The following LAMB4 variants were observed in gnomAD, a reference collection of about 807,000 sequenced individuals.
The protein encoded by LAMB4 is laminin subunit beta 4.
Under a neutral mutation model 199.2 loss-of-function variants are expected in LAMB4, and 196 were observed. The observed-to-expected ratio is 0.98, with a 90% CI of 0.88 to 1.11. The LOEUF (loss-of-function observed/expected upper bound fraction) is 1.11, where lower values mean the gene tolerates loss of function less well. Ranked by LOEUF, LAMB4 falls within the 50% of genes least tolerant of loss-of-function variation. The pLI is 0.00. For missense variants in LAMB4, 2,080 were observed against 2,171.2 expected (o/e 0.96, Z 0.83); for synonymous variants, 744 against 770.6 (o/e 0.97, Z 0.57).
chr7:108,106,455 G>T, intron 7 of LAMB4, 54 bp downstream of exon 7: 2 of 1,056,302 alleles, frequency 1.9e-6, no homozygotes, highest in Non-Finnish European at 2.9e-6. Flanking sequence ...CAAGGAATAT[G>T]CCAAACATGA....
At chr7:108,033,129 A>C (rs2035099381) in intron 31 of LAMB4, among the ~76,000 whole-genome samples, 1 of 152,222 alleles carries the variant, frequency 6.6e-6, no homozygotes. Flanking sequence ...GAGTTTGCCT[A>C]GAGCAGCAAC....
Position 108,105,680 on chromosome 7 carries a change from T to G in LAMB4, c.870+137A>C, listed in dbSNP as rs80095632. 6 of 734,084 alleles carry G rather than the reference T, an allele frequency of 8.2e-6. No individual in the cohort carries two copies. The Middle Eastern group carries it at 1.1e-3, about 139-fold the overall frequency. The allele number at this position is 734,084 out of a possible 1,614,324, so 45.5% of individuals were successfully genotyped here. ...GCCCTAGGTGGCCTATCAGGATAGG[T>G]TGAATGGTACCCATCTCAGCATAAA... On this transcript the variant is annotated intron_variant, in intron 8 of 33. Coordinates refer to ENST00000388781, the MANE Select transcript of LAMB4 (RefSeq NM_007356.3).
chr7:108,052,562 T>C (rs969044357), intron 25 of LAMB4, among the ~76,000 whole-genome samples: 1 of 152,188 alleles, frequency 6.6e-6, no homozygotes, highest in Non-Finnish European at 1.5e-5. Flanking sequence ...CGTTTTGGGT[T>C]TCAAAACATG....
At chr7:108,112,015 C>A (rs2038244900) in intron 3 of LAMB4, 69 bp from the exon 4 acceptor site, 9 of 1,302,184 alleles carry the variant, frequency 6.9e-6, no homozygotes, top group Non-Finnish European at 8.6e-6. Flanking sequence ...AAATTAAAGG[C>A]AAGCTGTACA....
chr7:108,097,708 C>T (rs531959915), intron 11 of LAMB4, among the ~76,000 whole-genome samples: 17 of 151,514 alleles, frequency 1.1e-4, no homozygotes, highest in African/African-American at 4.2e-4. Context: ...AGCGAGACTC[C>T]GTCTCACAAA....
In LAMB4 at chr7:108,031,396, A is replaced by G. The variant is rs541888208; in HGVS notation, c.4819-417T>C. On this transcript the variant is annotated intron_variant, in intron 31 of 33. Coordinates refer to ENST00000388781, the MANE Select transcript of LAMB4 (RefSeq NM_007356.3). Reference sequence around the variant, plus strand: ...AAAAAAAAAAAAAGAGCGAAGAGAAAAAAAGAAAAAATATAACGAATAGCC... The same window carrying G: ...AAAAAAAAAAAAAGAGCGAAGAGAAGAAAAGAAAAAATATAACGAATAGCC... Among the ~76,000 whole-genome samples the G allele has an allele frequency of 3.8e-3, 570 of 151,146 alleles. 3 individuals carry two copies. Among genetic ancestry groups the G allele is most frequent in the Non-Finnish European group, 6.1e-3 (411 of 67,770 alleles).
intron 30 of LAMB4, among the ~76,000 whole-genome samples, chr7:108,036,877 T>G (rs910579898): frequency 6.8e-6 from 1 of 146,144 alleles, no homozygotes. Flanking sequence ...GGAATTGCGG[T>G]TTTTGCCATT....
intron 23 of LAMB4, among the ~76,000 whole-genome samples, chr7:108,062,218 A>G (rs2036187487): frequency 6.6e-6 from 1 of 152,206 alleles, no homozygotes; most frequent in Non-Finnish European, 1.5e-5. Flanking sequence ...ACGTGCATCT[A>G]TCTATGTAGT....
chr7:108,034,418 C>A (rs2035155122), intron 30 of LAMB4, 72 bp from the exon 31 acceptor site: 2 of 1,200,440 alleles, frequency 1.7e-6, no homozygotes, highest in African/African-American at 1.5e-5. Context: ...TGAGAGAGTT[C>A]ATTTGACTCA....
Position 108,036,531 on chromosome 7 carries a change from T to G in LAMB4, c.4679+857A>C, listed in dbSNP as rs78175692. Among the ~76,000 whole-genome samples the G allele has an allele frequency of 7.0e-3, 1,061 of 152,226 alleles. 9 individuals carry two copies. Among genetic ancestry groups the G allele is most frequent in the African/African-American group, 0.024 (1,005 of 41,552 alleles). Reference sequence around the variant, plus strand: ...ATTGCTGTGCAGTTAATCTTCCTCGTTTTAAATATTAAACCTAGAAGGGGT... The same window carrying G: ...ATTGCTGTGCAGTTAATCTTCCTCGGTTTAAATATTAAACCTAGAAGGGGT... On this transcript the variant is annotated intron_variant, in intron 30 of 33. Transcript: ENST00000388781.
intron 3 of LAMB4, among the ~76,000 whole-genome samples, chr7:108,112,996 A>AT (rs1197958285): frequency 6.6e-6 from 1 of 152,084 alleles, no homozygotes; most frequent in African/African-American, 2.4e-5. Flanking sequence ...GCTTCTTGCT[A>AT]TTTTTTAAGC....
At chr7:108,055,100 TC>T (rs1312372029) in intron 25 of LAMB4, among the ~76,000 whole-genome samples, 2 of 152,340 alleles carry the variant, frequency 1.3e-5, no homozygotes, top group East Asian at 1.9e-4. Context: ...TTAATGACTG[TC>T]TTTTTGTTAC....
At chr7:108,034,444 G>T in intron 30 of LAMB4, 98 bp from the exon 31 acceptor site, 1 of 872,096 alleles carries the variant, frequency 1.1e-6, no homozygotes, top group Non-Finnish European at 1.8e-6. Flanking sequence ...ATACTTTACT[G>T]AATTATTAAG....
chr7:108,068,486 G>A (rs2036420978), intron 18 of LAMB4, among the ~76,000 whole-genome samples: 1 of 151,812 alleles, frequency 6.6e-6, no homozygotes. Context: ...TTCAATTCCT[G>A]ATGTTCTACA....
At chr7:108,037,710 C>G in intron 29 of LAMB4, 115 bp from the exon 30 acceptor site, 4 of 731,278 alleles carry the variant, frequency 5.5e-6, no homozygotes, top group South Asian at 5.0e-5. Context: ...TTATGTGCCC[C>G]TAGAATACAG....
intron 3 of LAMB4, 60 bp downstream of exon 3, chr7:108,115,944 G>A: frequency 6.4e-7 from 1 of 1,554,910 alleles, no homozygotes; most frequent in Non-Finnish European, 8.8e-7. Context: ...AGGTGTACCT[G>A]GAAAAATCTA....
chr7:108,072,793 G>A (rs1239719702), intron 17 of LAMB4, among the ~76,000 whole-genome samples: 1 of 152,102 alleles, frequency 6.6e-6, no homozygotes, highest in Non-Finnish European at 1.5e-5. Context: ...ATATTTACAG[G>A]TCTACTACTG....
At chr7:108,066,321 A>G (rs780310888) in intron 20 of LAMB4, 48 bp downstream of exon 20, 1 of 1,381,976 alleles carries the variant, frequency 7.2e-7, no homozygotes, top group East Asian at 2.3e-5. Context: ...AGGAGATTGG[A>G]ACAAAGTGTT....
chr7:108,034,604 C>T (rs1225005770), intron 30 of LAMB4, among the ~76,000 whole-genome samples: 1 of 152,036 alleles, frequency 6.6e-6, no homozygotes, highest in African/African-American at 2.4e-5. Context: ...ATTAAGGATA[C>T]AGGTTTGGGG....
Sources: allele counts gnomAD v4.1 joint callset (sites outside exome capture counted in the v4.1 genomes callset), GRCh38; gene constraint gnomAD v4.1.1; transcripts MANE v1.5; gene names NCBI Gene and HGNC (gene_info 2026-07-23, HGNC 2026-07-21).